GPC6: variants seen among roughly 807,000 people sequenced by gnomAD.
The protein encoded by GPC6 is glypican-6.
Under a neutral mutation model 55.2 loss-of-function variants are expected in GPC6, and 14 were observed. The observed-to-expected ratio is 0.25, with a 90% CI of 0.17 to 0.40. The LOEUF (loss-of-function observed/expected upper bound fraction) is 0.40. Ranked by LOEUF, GPC6 falls within the 10% of genes least tolerant of loss-of-function variation. GPC6 has a pLI of 1.00. For synonymous variants in GPC6, 278 were observed against 259.6 expected (o/e 1.07, Z -0.68); for missense variants, 641 against 708.5 (o/e 0.90, Z 1.08).
At chr13:93,939,418 A>AAATAATAATAAT (rs903732111) in intron 3 of GPC6, among the ~76,000 whole-genome samples, 4 of 108,874 alleles carry the variant, frequency 3.7e-5, no homozygotes, top group South Asian at 3.1e-4. Context: ...ACTCTGTCTC[A>AAATAATAATAAT]AATAATAATA....
At chr13:93,522,384 C>T (rs947788482) in intron 1 of GPC6, among the ~76,000 whole-genome samples, 20 of 151,910 alleles carry the variant, frequency 1.3e-4, no homozygotes, top group African/African-American at 4.6e-4. Context: ...GTTTTGCTAA[C>T]ATTTTTGTGG....
chr13:94,001,736 C>A (rs1881810865), intron 3 of GPC6, among the ~76,000 whole-genome samples: 1 of 152,064 alleles, frequency 6.6e-6, no homozygotes, highest in South Asian at 2.1e-4. Flanking sequence ...TCATTGAAAT[C>A]TATAATGTAT....
At chr13:94,174,878 A>G (rs1407529578) in intron 4 of GPC6, among the ~76,000 whole-genome samples, 1 of 152,148 alleles carries the variant, frequency 6.6e-6, no homozygotes, top group Non-Finnish European at 1.5e-5. Flanking sequence ...ATAAAAAAGT[A>G]AAGTGCACTA....
intron 6 of GPC6, among the ~76,000 whole-genome samples, chr13:94,358,385 A>C (rs1454799126): frequency 6.6e-6 from 1 of 152,210 alleles, no homozygotes; most frequent in African/African-American, 2.4e-5. Context: ...AAGAAAATAA[A>C]GACAGATTTT....
intron 1 of GPC6, among the ~76,000 whole-genome samples, chr13:93,535,684 G>GAAAAAA (rs200687324): frequency 8.3e-6 from 1 of 120,756 alleles, no homozygotes; most frequent in Admixed American, 8.5e-5. Flanking sequence ...ACTTTTTTAG[G>GAAAAAA]AAAAAAAAAA....
At chr13:93,273,582 C>T (rs1237123704) in intron 1 of GPC6, among the ~76,000 whole-genome samples, 1 of 151,936 alleles carries the variant, frequency 6.6e-6, no homozygotes, top group African/African-American at 2.4e-5. Flanking sequence ...GGCATGAACC[C>T]GGGAGGCGGA....
chr13:93,752,139 T>C (rs1157916973), intron 2 of GPC6, among the ~76,000 whole-genome samples: 1 of 152,146 alleles, frequency 6.6e-6, no homozygotes, highest in Non-Finnish European at 1.5e-5. Flanking sequence ...TCCGAGTAAG[T>C]AGAGGACCAC....
intron 1 of GPC6, among the ~76,000 whole-genome samples, chr13:93,322,846 G>T (rs7999616): frequency 0.34 from 51,723 of 151,642 alleles, 10,181 homozygotes; most frequent in East Asian, 0.63. Context: ...CGTGCATGTT[G>T]GTTAAATAGG....
chr13:93,379,944 C>G (rs1367901592), intron 1 of GPC6, among the ~76,000 whole-genome samples: 1 of 124,762 alleles, frequency 8.0e-6, no homozygotes, highest in African/African-American at 2.9e-5. Context: ...AGTTGAACAG[C>G]TTAAATTCTG....
At chr13:93,391,073 T>A (rs940482446) in intron 1 of GPC6, among the ~76,000 whole-genome samples, 6 of 152,172 alleles carry the variant, frequency 3.9e-5, no homozygotes, top group Admixed American at 3.3e-4. Context: ...TGCTATGTGC[T>A]GTATCACCAA....
chr13:93,605,438 C>G (rs1350608271), intron 2 of GPC6, among the ~76,000 whole-genome samples: 1 of 152,150 alleles, frequency 6.6e-6, no homozygotes, highest in East Asian at 1.9e-4. Flanking sequence ...TCTTTTAAGA[C>G]TAGTAGATCT....
At chr13:93,930,293 A>G (rs1303525319) in intron 3 of GPC6, among the ~76,000 whole-genome samples, 2 of 60,944 alleles carry the variant, frequency 3.3e-5, no homozygotes, top group South Asian at 5.4e-4. Context: ...TTTTTTGTAG[A>G]CAGAGTCTCA....
chr13:94,267,902 A>G (rs148120052), intron 4 of GPC6, among the ~76,000 whole-genome samples: 54 of 152,328 alleles, frequency 3.5e-4, no homozygotes, highest in Admixed American at 8.5e-4. Flanking sequence ...TATGTGATAT[A>G]TTCAGAATGG....
chr13:93,605,726 C>T (rs1239606875), intron 2 of GPC6, among the ~76,000 whole-genome samples: 1 of 151,208 alleles, frequency 6.6e-6, no homozygotes, highest in Non-Finnish European at 1.5e-5. Flanking sequence ...CCTCTAATCC[C>T]AGCTGCTCAG....
chr13:93,642,854 G>A (rs1880015630), intron 2 of GPC6, among the ~76,000 whole-genome samples: 1 of 152,066 alleles, frequency 6.6e-6, no homozygotes, highest in South Asian at 2.1e-4. Flanking sequence ...ACTTGCAGTG[G>A]TTTCATCAGC....
chr13:93,548,126 G>C (rs1379806542), intron 2 of GPC6, among the ~76,000 whole-genome samples: 1 of 152,240 alleles, frequency 6.6e-6, no homozygotes, highest in Admixed American at 6.5e-5. Context: ...TACTATAAAA[G>C]ACTTTGAGTT....
chr13:93,531,660 A>G (rs566148747), intron 1 of GPC6, among the ~76,000 whole-genome samples: 56 of 152,318 alleles, frequency 3.7e-4, no homozygotes, highest in African/African-American at 1.3e-3. Context: ...ACAGTGTCCT[A>G]CTAATTTTTC....
At chr13:94,288,543 A>G (rs79465326) in intron 5 of GPC6, among the ~76,000 whole-genome samples, 2,768 of 150,392 alleles carry the variant, frequency 0.018, 90 homozygotes, top group African/African-American at 0.064. Context: ...AACCTTGTTT[A>G]ATACCACTGG....
chr13:93,417,853 A>G (rs1876762041), intron 1 of GPC6, among the ~76,000 whole-genome samples: 1 of 152,080 alleles, frequency 6.6e-6, no homozygotes, highest in African/African-American at 2.4e-5. Flanking sequence ...CAAAAAAATA[A>G]AAAATAAAAA....
Sources: gnomAD v4.1 joint callset for allele counts (sites outside exome capture counted in the v4.1 genomes callset) on GRCh38, gnomAD v4.1.1 for gene constraint, MANE v1.5 for transcripts, NCBI Gene and HGNC (gene_info 2026-07-23, HGNC 2026-07-21) for gene names.